Variants in CPQ observed in about 807,000 individuals in gnomAD.
CPQ encodes the protein carboxypeptidase Q.
A neutral mutation model predicts 45.7 loss-of-function variants in CPQ; 37 were observed. The ratio of observed to expected loss-of-function variants is 0.81; its 90% CI spans 0.62 to 1.07. The LOEUF (loss-of-function observed/expected upper bound fraction) is 1.07. Among genes scored for constraint, CPQ ranks in the 50% least tolerant of loss-of-function variants. The probability of loss-of-function intolerance (pLI) is 0.00; values close to 1 mark genes in which losing one functional copy is unlikely to be tolerated. For missense variants in CPQ, 537 were observed against 572.9 expected (o/e 0.94, Z 0.64); for synonymous variants, 186 against 205.8 (o/e 0.90, Z 0.82).
chr8:96,792,497 T>C (rs1397453561), intron 2 of CPQ, among the ~76,000 whole-genome samples: 2 of 152,220 alleles, frequency 1.3e-5, no homozygotes, highest in African/African-American at 4.8e-5. Context: ...TACAGGGCTT[T>C]CTTAAAATTT....
chr8:96,782,385 G>A (rs1398348759), intron 1 of CPQ, among the ~76,000 whole-genome samples: 5 of 152,164 alleles, frequency 3.3e-5, no homozygotes, highest in Non-Finnish European at 7.3e-5. Context: ...AGCAGCTTAA[G>A]GGCACTGCAC....
intron 5 of CPQ, among the ~76,000 whole-genome samples, chr8:97,010,479 A>T (rs1809469094): frequency 6.6e-6 from 1 of 152,166 alleles, no homozygotes; most frequent in South Asian, 2.1e-4. Flanking sequence ...TATTGTGAAA[A>T]TTAAATGAGA....
At chr8:96,959,728 A>G (rs868787875) in intron 4 of CPQ, among the ~76,000 whole-genome samples, 2 of 151,540 alleles carry the variant, frequency 1.3e-5, no homozygotes, top group South Asian at 4.2e-4. Context: ...TCAACCATTT[A>G]ATGATTTTTG....
chr8:97,076,198 G>A (rs1810842830), intron 7 of CPQ, among the ~76,000 whole-genome samples: 1 of 151,904 alleles, frequency 6.6e-6, no homozygotes, highest in Non-Finnish European at 1.5e-5. Context: ...GCTAATTTTT[G>A]TATTTTTAGT....
intron 7 of CPQ, among the ~76,000 whole-genome samples, chr8:97,074,463 G>T (rs1477071368): frequency 6.6e-6 from 1 of 151,928 alleles, no homozygotes; most frequent in East Asian, 1.9e-4. Flanking sequence ...GCTGGACATT[G>T]AAAGATATGT....
At chr8:97,016,519 G>A (rs1285944840) in intron 5 of CPQ, among the ~76,000 whole-genome samples, 2 of 152,092 alleles carry the variant, frequency 1.3e-5, no homozygotes, top group African/African-American at 4.8e-5. Context: ...CAAATGTCAG[G>A]TATTGGGCCA....
intron 1 of CPQ, among the ~76,000 whole-genome samples, chr8:96,734,079 G>T (rs1203943310): frequency 6.6e-6 from 1 of 152,114 alleles, no homozygotes; most frequent in Non-Finnish European, 1.5e-5. Context: ...ATTACAGTGC[G>T]CACAGCTGTA....
chr8:96,834,101 A>G (rs1233488467), intron 2 of CPQ, among the ~76,000 whole-genome samples: 2 of 152,172 alleles, frequency 1.3e-5, no homozygotes, highest in African/African-American at 4.8e-5. Flanking sequence ...TTGTTGCCAA[A>G]TATTTTTTCC....
chr8:96,719,216 C>T (rs1403348993), intron 1 of CPQ, among the ~76,000 whole-genome samples: 2 of 152,218 alleles, frequency 1.3e-5, no homozygotes, highest in Non-Finnish European at 2.9e-5. Flanking sequence ...GGCTGCAGGT[C>T]CCGAGCCCTG....
At chr8:96,760,982 A>G (rs1315955713) in intron 1 of CPQ, 1 of 152,202 alleles carries the variant, frequency 6.6e-6, no homozygotes, top group Non-Finnish European at 1.5e-5. Flanking sequence ...TTAAAGCTGT[A>G]AAAGTCTCAG....
At chr8:96,722,059 T>C (rs1195744319) in intron 1 of CPQ, among the ~76,000 whole-genome samples, 1 of 152,178 alleles carries the variant, frequency 6.6e-6, no homozygotes, top group Non-Finnish European at 1.5e-5. Context: ...TTTTTTCTTT[T>C]CCTTACTTCC....
intron 6 of CPQ, among the ~76,000 whole-genome samples, chr8:97,045,220 G>A (rs180913091): frequency 2.8e-4 from 43 of 152,296 alleles, no homozygotes; most frequent in East Asian, 1.5e-3. Context: ...CCTCGCTGCC[G>A]CCTTGCAGTT....
chr8:96,677,251 T>C (rs1230707165), intron 1 of CPQ, among the ~76,000 whole-genome samples: 2 of 152,194 alleles, frequency 1.3e-5, no homozygotes, highest in African/African-American at 4.8e-5. Context: ...ATCTCCATAC[T>C]GTTTTCCACA....
chr8:96,836,284 T>G (rs1396396780), intron 3 of CPQ, among the ~76,000 whole-genome samples: 1 of 152,074 alleles, frequency 6.6e-6, no homozygotes, highest in Non-Finnish European at 1.5e-5. Context: ...CTGGGGAACA[T>G]ATGTCAGCAG....
intron 5 of CPQ, among the ~76,000 whole-genome samples, chr8:96,976,184 A>G (rs1056871681): frequency 6.9e-6 from 1 of 144,856 alleles, no homozygotes; most frequent in African/African-American, 2.6e-5. Context: ...TAGCTCTTCT[A>G]TATACCAACA....
In CPQ at chr8:96,777,757, TATA is replaced by T. The variant is rs1287397436; in HGVS notation, c.-34-7106_-34-7104del. ...ATATATATATATATATATATATATA[TATA>T]TTTTTTTTTTTTTTTTTTTTTTTTT... On this transcript the variant is annotated intron_variant, in intron 1 of 7. Coordinates refer to ENST00000220763, the MANE Select transcript of CPQ (RefSeq NM_016134.4). Among the ~76,000 whole-genome samples, 45 of 12,788 alleles carry T rather than the reference TATA, an allele frequency of 3.5e-3. 1 individual carries two copies. Among genetic ancestry groups the T allele is most frequent in the African/African-American group, 4.8e-3 (14 of 2,946 alleles). The allele number at this position is 12,788 out of a possible 152,430, so 8.4% of individuals were successfully genotyped here.
At chr8:96,899,268 C>A (rs941908298) in intron 4 of CPQ, among the ~76,000 whole-genome samples, 1 of 152,106 alleles carries the variant, frequency 6.6e-6, no homozygotes, top group Non-Finnish European at 1.5e-5. Flanking sequence ...ATAGGTACAG[C>A]CACATACATT....
chr8:96,971,715 A>C (rs1563542850), intron 5 of CPQ, among the ~76,000 whole-genome samples: 1 of 152,132 alleles, frequency 6.6e-6, no homozygotes, highest in Admixed American at 6.5e-5. Flanking sequence ...CCAACATTAA[A>C]TTTTATTTTT....
intron 2 of CPQ, among the ~76,000 whole-genome samples, chr8:96,824,849 G>T (rs1397266235): frequency 6.6e-6 from 1 of 151,990 alleles, no homozygotes; most frequent in African/African-American, 2.4e-5. Context: ...GGCCCAGGAG[G>T]CTCTTTGCCC....
Sources: allele counts gnomAD v4.1 joint callset (sites outside exome capture counted in the v4.1 genomes callset), GRCh38; gene constraint gnomAD v4.1.1; transcripts MANE v1.5; gene names NCBI Gene and HGNC (gene_info 2026-07-23, HGNC 2026-07-21).